The following SLC11A2 variants were observed in gnomAD, a reference collection of about 807,000 sequenced individuals.
The protein encoded by SLC11A2 is solute carrier family 11 member 2, also known as natural resistance-associated macrophage protein 2.
SLC11A2 carries 38 observed loss-of-function variants against 68.0 expected under a neutral mutation model. The observed-to-expected ratio is 0.56, with a 90% CI of 0.43 to 0.73. The LOEUF (loss-of-function observed/expected upper bound fraction) is 0.73, where lower values mean the gene tolerates loss of function less well. SLC11A2 is among the 30% of genes least tolerant of loss of function. The pLI is 0.00. For synonymous variants in SLC11A2, 242 were observed against 250.6 expected (o/e 0.97, Z 0.32); for missense variants, 517 against 690.5 (o/e 0.75, Z 2.82).
chr12:51,001,867 T>A (rs774587533), intron 5 of SLC11A2, among the ~76,000 whole-genome samples: 1 of 151,980 alleles, frequency 6.6e-6, no homozygotes, highest in Non-Finnish European at 1.5e-5. Context: ...ACAGAAAAGG[T>A]TGGAGTCACC....
At chr12:51,022,024 A>G (rs1944079379) in intron 1 of SLC11A2, among the ~76,000 whole-genome samples, 2 of 152,190 alleles carry the variant, frequency 1.3e-5, no homozygotes, top group South Asian at 4.1e-4. Flanking sequence ...TTGAGGCTTA[A>G]CCAGCTTCCA....
At chr12:51,003,306 G>T (rs1198497540) in intron 5 of SLC11A2, among the ~76,000 whole-genome samples, 1 of 151,916 alleles carries the variant, frequency 6.6e-6, no homozygotes, top group Non-Finnish European at 1.5e-5. Context: ...GGGAGGCGAA[G>T]GCTGGCAGAT....
intron 15 of SLC11A2, among the ~76,000 whole-genome samples, chr12:50,988,681 G>A (rs1429833077): frequency 1.3e-5 from 2 of 152,026 alleles, no homozygotes; most frequent in African/African-American, 4.8e-5. Context: ...ACTGCTTTGT[G>A]TCTGTGGTTT....
chr12:50,967,653 T>C, the SLC11A2 span, among the ~76,000 whole-genome samples: 2 of 152,182 alleles, frequency 1.3e-5, no homozygotes, highest in Non-Finnish European at 2.9e-5. Flanking sequence ...ACTGAAAACA[T>C]GGCCATTAAT....
intron 2 of SLC11A2, chr12:51,009,010 A>G (rs1287014456): frequency 1.4e-6 from 1 of 728,832 alleles, no homozygotes; most frequent in Non-Finnish European, 2.4e-6. Context: ...AAAATATCAT[A>G]TTCCCAGACC....
At chr12:50,961,174 G>A in the SLC11A2 span, 1 of 1,435,956 alleles carries the variant, frequency 7.0e-7, no homozygotes, top group Non-Finnish European at 9.6e-7. Flanking sequence ...TTCATTCATA[G>A]TAGAAGATGA....
At chr12:50,974,163 G>C in the SLC11A2 span, among the ~76,000 whole-genome samples, 2 of 152,152 alleles carry the variant, frequency 1.3e-5, no homozygotes, top group African/African-American at 4.8e-5. Flanking sequence ...TCCTCGAGAA[G>C]AGCAACTCCA....
the SLC11A2 span, among the ~76,000 whole-genome samples, chr12:50,956,523 G>C: frequency 0.016 from 2,370 of 152,230 alleles, 67 homozygotes; most frequent in African/African-American, 0.053. Context: ...TTTTTTGTTG[G>C]TTATCTTAAG....
At chr12:51,009,302 G>A in intron 2 of SLC11A2, 1 of 1,286,304 alleles carries the variant, frequency 7.8e-7, no homozygotes, top group South Asian at 2.9e-5. Context: ...GCACCCTCGT[G>A]ATGGCAGGGC....
chr12:50,986,227 TC>T lies in SLC11A2; in HGVS notation c.*2097del. ...AGTACAATTGTATATCCTTAAACAT[TC>T]CACATAAACACACTGTCAAAACTCA... is the stretch of plus-strand genomic sequence containing the variant. On this transcript the variant is annotated 3_prime_UTR_variant, in exon 16 of 16. Transcript: ENST00000262052. 1 of 1,283,708 alleles carries T rather than the reference TC, an allele frequency of 7.8e-7. No homozygotes were observed. The highest frequency in any genetic ancestry group is 1.2e-5 in the South Asian group (1 of 80,880). The allele number at this position is 1,283,708 out of a possible 1,614,324, so 79.5% of individuals were successfully genotyped here.
At chr12:50,982,469 C>CA (rs1410268378), downstream of SLC11A2, among the ~76,000 whole-genome samples, 4 of 151,624 alleles carry the variant, frequency 2.6e-5, no homozygotes, top group East Asian at 5.8e-4. Context: ...ACTAAAAATA[C>CA]AAAAAAAATT....
chr12:50,957,028 G>T, the SLC11A2 span, among the ~76,000 whole-genome samples: 1 of 150,582 alleles, frequency 6.6e-6, no homozygotes, highest in South Asian at 2.1e-4. Flanking sequence ...TAGCACATTA[G>T]TCATTTTTAT....
chr12:51,004,167 C>T (rs1305736786), intron 5 of SLC11A2, among the ~76,000 whole-genome samples: 2 of 151,930 alleles, frequency 1.3e-5, no homozygotes, highest in Non-Finnish European at 2.9e-5. Flanking sequence ...TTTTTGCTCA[C>T]ACCCAGGAAA....
chr12:51,008,317 GTGTGTGTGTA>G (rs1000167726), intron 3 of SLC11A2, 149 bp downstream of exon 3: 12 of 611,512 alleles, frequency 2.0e-5, no homozygotes, highest in Non-Finnish European at 2.9e-5. Context: ...GTGTGTGTGT[GTGTGTGTGTA>G]TATATATATA....
Position 50,992,793 on chromosome 12 carries a change from C to A in SLC11A2, c.1197+17G>T, listed in dbSNP as rs1359560878. The A allele has an allele frequency of 1.2e-6, 2 of 1,611,780 alleles. No individual in the cohort carries two copies. The highest frequency in any genetic ancestry group is 3.3e-5 in the Admixed American group (2 of 59,924). On this transcript the variant is annotated intron_variant, in intron 12 of 15. Transcript: ENST00000262052. ...AAAGGGTTGTGTTATCTCCCTCTAT[C>A]CTATACCAGCACGTACCTCCATGAC...
the SLC11A2 span, among the ~76,000 whole-genome samples, chr12:50,962,715 T>G: frequency 1.3e-5 from 2 of 151,690 alleles, no homozygotes; most frequent in Non-Finnish European, 2.9e-5. Context: ...AAAAAAAAAT[T>G]TTTTTGCTAT....
chr12:51,000,154 C>T (rs922142098), intron 6 of SLC11A2, among the ~76,000 whole-genome samples, 159 bp downstream of exon 6: 2 of 152,148 alleles, frequency 1.3e-5, no homozygotes, highest in African/African-American at 4.8e-5. Flanking sequence ...GTAGAGTCTA[C>T]ATCTACCAGG....
At chr12:50,960,571 T>C in the SLC11A2 span, among the ~76,000 whole-genome samples, 2 of 145,458 alleles carry the variant, frequency 1.4e-5, no homozygotes, top group Non-Finnish European at 3.0e-5. Context: ...CTTTGAAAAA[T>C]GTTCTTTGCT....
chr12:51,008,182 A>G, intron 3 of SLC11A2: 1 of 316,678 alleles, frequency 3.2e-6, no homozygotes, highest in East Asian at 7.3e-5. Flanking sequence ...TGGAGCCTAG[A>G]TGACAGAGCA....
Sources: allele counts gnomAD v4.1 joint callset (sites outside exome capture counted in the v4.1 genomes callset), GRCh38; gene constraint gnomAD v4.1.1; transcripts MANE v1.5; gene names NCBI Gene and HGNC (gene_info 2026-07-23, HGNC 2026-07-21).